The following KIAA1217 variants were observed in gnomAD, a reference collection of about 807,000 sequenced individuals.
KIAA1217 encodes the protein sickle tail protein homolog.
A neutral mutation model predicts 163.9 loss-of-function variants in KIAA1217; 88 were observed. That is an observed-to-expected ratio of 0.54 (90% CI 0.45 to 0.64). KIAA1217 has a LOEUF of 0.64. KIAA1217 is among the 30% of genes least tolerant of loss of function. The probability of loss-of-function intolerance (pLI) is 0.00; values close to 1 mark genes in which losing one functional copy is unlikely to be tolerated. For synonymous variants in KIAA1217, 903 were observed against 923.1 expected (o/e 0.98, Z 0.39); for missense variants, 2,372 against 2,475.0 (o/e 0.96, Z 0.88).
intron 1 of KIAA1217, among the ~76,000 whole-genome samples, chr10:23,818,425 A>G (rs1837468419): frequency 6.7e-6 from 1 of 149,724 alleles, no homozygotes; most frequent in Non-Finnish European, 1.5e-5. Context: ...GGGACTAATT[A>G]GACCCAAAGT....
At chr10:24,435,248 A>C (rs1332465188) in intron 4 of KIAA1217, among the ~76,000 whole-genome samples, 1 of 152,228 alleles carries the variant, frequency 6.6e-6, no homozygotes, top group African/African-American at 2.4e-5. Flanking sequence ...AATGTGTTTA[A>C]ATATTCATGG....
intron 1 of KIAA1217, among the ~76,000 whole-genome samples, chr10:23,985,759 G>A (rs962309108): frequency 1.3e-5 from 2 of 152,200 alleles, no homozygotes; most frequent in African/African-American, 2.4e-5. Flanking sequence ...CAAGTCTGCT[G>A]CATGTTTCCT....
At chr10:23,985,832 T>C (rs1845948710) in intron 1 of KIAA1217, among the ~76,000 whole-genome samples, 1 of 152,182 alleles carries the variant, frequency 6.6e-6, no homozygotes, top group Non-Finnish European at 1.5e-5. Context: ...AGGTTGTCAC[T>C]GTCATTCAGA....
At position 23,779,873 on chromosome 10, in the gene KIAA1217, C is replaced by T. The variant is rs372316508; in HGVS notation, c.-321+84639C>T. Among the ~76,000 whole-genome samples the T allele has an allele frequency of 1.1e-4, 16 of 152,238 alleles. No homozygotes were observed. In the East Asian group the frequency reaches 3.1e-3, roughly 29 times the overall value. ...ACCGTATCTTTTCTATGTTTAGATA[C>T]ACAAATATTCACCATTGTGTTACAA... On this transcript the variant is annotated intron_variant, in intron 1 of 18. Coordinates refer to the KIAA1217 transcript ENST00000376462.
Position 24,453,833 on chromosome 10 carries a change from A to T in KIAA1217, c.846+15354A>T, listed in dbSNP as rs143641985. Among the ~76,000 whole-genome samples the T allele has an allele frequency of 7.0e-4, 106 of 152,212 alleles. 1 individual carries two copies. The highest frequency in any genetic ancestry group is 2.4e-3 in the African/African-American group (101 of 41,510). On this transcript the variant is annotated intron_variant, in intron 5 of 20. Coordinates refer to ENST00000376454, the MANE Select transcript of KIAA1217 (RefSeq NM_019590.5). ...AGAACTTGAGAGTTACTTTTCATTA[A>T]CTCCTTAAGTCACAACTATAATTCT... is the stretch of plus-strand genomic sequence containing the variant.
At chr10:24,268,134 A>G (rs1564374258) in intron 2 of KIAA1217, among the ~76,000 whole-genome samples, 2 of 152,212 alleles carry the variant, frequency 1.3e-5, no homozygotes, top group Non-Finnish European at 2.9e-5. Flanking sequence ...TGGCAAAGGA[A>G]TCAGAGCAAG....
intron 2 of KIAA1217, among the ~76,000 whole-genome samples, chr10:24,092,155 A>G (rs181067142): frequency 2.0e-5 from 3 of 151,526 alleles, no homozygotes; most frequent in Non-Finnish European, 2.9e-5. Context: ...TTTAACTCTG[A>G]CAACCCTTCC....
intron 2 of KIAA1217, among the ~76,000 whole-genome samples, chr10:24,240,011 T>A (rs1429887078): frequency 1.3e-5 from 2 of 151,810 alleles, no homozygotes; most frequent in Non-Finnish European, 2.9e-5. Context: ...GAAGGTGGGG[T>A]GTGGGTGATA....
At chr10:23,904,957 C>CTT (rs894584822) in intron 1 of KIAA1217, among the ~76,000 whole-genome samples, 1 of 139,828 alleles carries the variant, frequency 7.2e-6, no homozygotes, top group African/African-American at 2.6e-5. Flanking sequence ...TCTAAATCTT[C>CTT]TTTTTTTTTT....
intron 6 of KIAA1217, among the ~76,000 whole-genome samples, chr10:24,487,384 G>A (rs775435851): frequency 2.0e-5 from 3 of 152,238 alleles, no homozygotes; most frequent in Non-Finnish European, 4.4e-5. Flanking sequence ...CCGTCATGGT[G>A]CTCACGCACA....
At chr10:24,052,294 T>C (rs1012580596) in intron 2 of KIAA1217, among the ~76,000 whole-genome samples, 1 of 152,188 alleles carries the variant, frequency 6.6e-6, no homozygotes, top group African/African-American at 2.4e-5. Context: ...TTATCTCTAA[T>C]GGATCTGATA....
Position 24,099,711 on chromosome 10 carries a change from G to A in KIAA1217, c.-171+92337G>A, listed in dbSNP as rs191783649. On this transcript the variant is annotated intron_variant, in intron 2 of 18. Coordinates refer to the KIAA1217 transcript ENST00000376462. ...CCCATTAACTCGTCATTTACATTAG[G>A]TATATCTCCTAATGCTATCCCTCCC... Among the ~76,000 whole-genome samples, 554 of 145,536 alleles carry A rather than the reference G, an allele frequency of 3.8e-3. 2 individuals are homozygous for A. The highest frequency in any genetic ancestry group is 0.025 in the East Asian group (120 of 4,764).
chr10:24,117,469 A>G (rs924628966), intron 2 of KIAA1217, among the ~76,000 whole-genome samples: 2 of 151,922 alleles, frequency 1.3e-5, no homozygotes, highest in Non-Finnish European at 2.9e-5. Context: ...GTGATGCCCC[A>G]TCTCTACAAA....
chr10:23,825,910 C>A (rs1275540158), intron 1 of KIAA1217, among the ~76,000 whole-genome samples: 2 of 152,092 alleles, frequency 1.3e-5, no homozygotes, highest in Non-Finnish European at 2.9e-5. Context: ...CAGTATCAAC[C>A]TGGGGTGGTG....
chr10:24,112,397 T>C (rs2062882996), intron 2 of KIAA1217, among the ~76,000 whole-genome samples: 1 of 152,168 alleles, frequency 6.6e-6, no homozygotes, highest in South Asian at 2.1e-4. Context: ...CTTTGTTTTA[T>C]TCCATAGGCT....
At chr10:24,105,496 AG>A (rs2062590115) in intron 2 of KIAA1217, among the ~76,000 whole-genome samples, 2 of 152,202 alleles carry the variant, frequency 1.3e-5, no homozygotes, top group Non-Finnish European at 2.9e-5. Flanking sequence ...GAGCTGAGCC[AG>A]GCATAAATAA....
intron 2 of KIAA1217, among the ~76,000 whole-genome samples, chr10:24,160,331 A>G (rs2065065054): frequency 6.6e-6 from 1 of 152,146 alleles, no homozygotes; most frequent in African/African-American, 2.4e-5. Context: ...TTTTAGCAAT[A>G]TTAATTTTTC....
intron 6 of KIAA1217, among the ~76,000 whole-genome samples, chr10:24,480,454 A>G (rs1176313406): frequency 8.5e-5 from 13 of 152,210 alleles, no homozygotes; most frequent in Non-Finnish European, 1.9e-4. Context: ...TCCAAGCCAG[A>G]GTGCCTGGGT....
intron 2 of KIAA1217, among the ~76,000 whole-genome samples, chr10:24,102,775 G>A (rs987553833): frequency 3.3e-5 from 5 of 152,148 alleles, no homozygotes; most frequent in African/African-American, 9.7e-5. Context: ...TTTGAGGAAG[G>A]AGCAAAAGCA....
Sources: gnomAD v4.1 joint callset for allele counts (sites outside exome capture counted in the v4.1 genomes callset) on GRCh38, gnomAD v4.1.1 for gene constraint, MANE v1.5 for transcripts, NCBI Gene and HGNC (gene_info 2026-07-23, HGNC 2026-07-21) for gene names.